Variants in BICDL1 observed in about 807,000 individuals in gnomAD.
The protein encoded by BICDL1 is BICD family-like cargo adapter 1.
A neutral mutation model predicts 76.8 loss-of-function variants in BICDL1; 20 were observed. The ratio of observed to expected loss-of-function variants is 0.26; its 90% confidence interval spans 0.18 to 0.38. The LOEUF is 0.38. Among genes scored for constraint, BICDL1 ranks in the 10% least tolerant of loss-of-function variants. The probability of loss-of-function intolerance (pLI) is 1.00; values close to 1 mark genes in which losing one functional copy is unlikely to be tolerated. For missense variants in BICDL1, 700 were observed against 798.6 expected (o/e 0.88, Z 1.49); for synonymous variants, 383 against 337.1 (o/e 1.14, Z -1.49).
chr12:120,019,035 A>G (rs1269533716), intron 2 of BICDL1: 1 of 135,298 alleles, frequency 7.4e-6, no homozygotes, highest in Non-Finnish European at 1.5e-5. Context: ...ACAGAGCGAG[A>G]CTCCGTCTCA....
chr12:120,065,514 A>G (rs1953201725), intron 4 of BICDL1, among the ~76,000 whole-genome samples: 1 of 152,086 alleles, frequency 6.6e-6, no homozygotes, highest in African/African-American at 2.4e-5. Context: ...ACAGGAAACA[A>G]CTCCCAAAAC....
intron 2 of BICDL1, among the ~76,000 whole-genome samples, chr12:120,052,992 C>A (rs1952896156): frequency 6.6e-6 from 1 of 152,172 alleles, no homozygotes; most frequent in Non-Finnish European, 1.5e-5. Context: ...GTTGGCCAGG[C>A]TGGTCTCAAA....
chr12:120,036,166 G>T (rs1952527159), intron 2 of BICDL1, among the ~76,000 whole-genome samples: 1 of 152,206 alleles, frequency 6.6e-6, no homozygotes, highest in Admixed American at 6.5e-5. Flanking sequence ...ACAGTCTGGT[G>T]CACATAAGCA....
chr12:120,089,890 T>A (rs1874817441), intron 8 of BICDL1, 61 bp from the exon 9 acceptor site: 6 of 1,586,818 alleles, frequency 3.8e-6, no homozygotes, highest in South Asian at 3.4e-5. Flanking sequence ...GTGCCCCAAG[T>A]AAAGACCAAG....
At chr12:120,074,325 C>A in intron 6 of BICDL1, 118 bp from the exon 7 acceptor site, 1 of 538,312 alleles carries the variant, frequency 1.9e-6, no homozygotes, top group Non-Finnish European at 2.4e-6. Context: ...CCACATCATT[C>A]CTCCACTCTC....
At chr12:120,092,096 A>T in intron 9 of BICDL1, 3 of 985,470 alleles carry the variant, frequency 3.0e-6, no homozygotes, top group Non-Finnish European at 3.6e-6. Context: ...CAGGCTGCTC[A>T]TATTTCTAAA....
At chr12:120,045,662 C>T (rs1355143815) in intron 2 of BICDL1, among the ~76,000 whole-genome samples, 1 of 150,766 alleles carries the variant, frequency 6.6e-6, no homozygotes, top group Non-Finnish European at 1.5e-5. Context: ...AGTAAACTAT[C>T]GCAAGAACAA....
intron 2 of BICDL1, among the ~76,000 whole-genome samples, chr12:120,009,995 A>G (rs932780012): frequency 2.0e-5 from 3 of 152,040 alleles, no homozygotes; most frequent in Admixed American, 2.0e-4. Flanking sequence ...GGATTCTGCA[A>G]ACTTGAATGT....
intron 2 of BICDL1, among the ~76,000 whole-genome samples, chr12:120,021,586 CAA>C (rs145151630): frequency 0.01 from 469 of 46,292 alleles, no homozygotes; most frequent in African/African-American, 0.028. Context: ...GACTCCATCT[CAA>C]AAAAAAAAAA....
intron 2 of BICDL1, among the ~76,000 whole-genome samples, chr12:120,052,187 C>T (rs1407403244): frequency 6.6e-6 from 1 of 151,930 alleles, no homozygotes; most frequent in Non-Finnish European, 1.5e-5. Context: ...CGTGATCTGC[C>T]CACCTTGGCC....
intron 2 of BICDL1, among the ~76,000 whole-genome samples, chr12:120,020,495 G>T (rs1209344783): frequency 6.6e-6 from 1 of 151,774 alleles, no homozygotes; most frequent in Non-Finnish European, 1.5e-5. Flanking sequence ...TTGATAAAAA[G>T]AAAAAATTAA....
At position 120,001,080 on chromosome 12, in the gene BICDL1, A is replaced by C. The variant is rs930006386; in HGVS notation, c.645+2344A>C. 1.3e-5 allele frequency among the ~76,000 whole-genome samples: 2 copies of C among 151,956 alleles called. 1 individual carries two copies. The highest frequency in any genetic ancestry group is 2.9e-5 in the Non-Finnish European group (2 of 67,972). ...AATATAGGCCCTTGGTGAGTTTTAT[A>C]GCTTTTTCCCTTTTTTCAAGCAGGA... On this transcript the variant is annotated intron_variant, in intron 2 of 9. Coordinates refer to ENST00000548673, the MANE Select transcript of BICDL1 (RefSeq NM_001367886.1).
chr12:120,088,669 G>T (rs544721939), intron 8 of BICDL1, among the ~76,000 whole-genome samples: 34 of 138,618 alleles, frequency 2.5e-4, no homozygotes, highest in African/African-American at 3.0e-4. Context: ...ACTTTATGGG[G>T]TTTTTTTGTT....
intron 1 of BICDL1, among the ~76,000 whole-genome samples, chr12:119,995,630 A>G (rs925585186): frequency 6.6e-6 from 1 of 152,180 alleles, no homozygotes; most frequent in Non-Finnish European, 1.5e-5. Context: ...AAGTATCACA[A>G]TTTTAGGATT....
At position 119,998,663 on chromosome 12, in the gene BICDL1, C is replaced by T; in HGVS notation, c.572C>T (p.Ala191Val). The change falls in exon 2 of 10, where the codon GCA becomes GTA. Residue 191 changes from alanine (A) to valine (V), a missense_variant. Physicochemically the swap from Ala to Val is moderately conservative, Grantham distance 64 (BLOSUM62 0). Coordinates refer to ENST00000548673, the MANE Select transcript of BICDL1 (RefSeq NM_001367886.1). ...LERQQIHLRE[A>V]DREKSRAVQE... is the part of the protein sequence containing the mutation. ...AGGCAGCAGATTCATCTGCGGGAAG[C>T]AGATCGAGAAAAATCACGGGCTGTC... is the stretch of plus-strand genomic sequence containing the variant. The T allele has an allele frequency of 3.1e-6, 5 of 1,614,050 alleles. No homozygotes were observed. The highest frequency in any genetic ancestry group is 4.2e-6 in the Non-Finnish European group (5 of 1,180,020).
intron 2 of BICDL1, among the ~76,000 whole-genome samples, chr12:120,042,405 C>T (rs980392128): frequency 6.6e-6 from 1 of 152,092 alleles, no homozygotes; most frequent in African/African-American, 2.4e-5. Flanking sequence ...CAAGGAGGAG[C>T]ATGTTTGGGT....
intron 2 of BICDL1, among the ~76,000 whole-genome samples, chr12:120,042,346 GCC>G (rs1277156199): frequency 6.6e-6 from 1 of 152,072 alleles, no homozygotes; most frequent in Non-Finnish European, 1.5e-5. Flanking sequence ...CCTGTTTGGG[GCC>G]CAAAACTCCT....
intron 2 of BICDL1, among the ~76,000 whole-genome samples, chr12:120,046,852 T>C (rs1594163185): frequency 6.6e-6 from 1 of 152,218 alleles, no homozygotes; most frequent in Non-Finnish European, 1.5e-5. Context: ...TGAGTCCTCA[T>C]AGAACATTTA....
rs1178672692 is a variant in BICDL1, at chr12:120,064,859, G to A, written c.889G>A (p.Gly297Ser). 9.3e-6 allele frequency: 15 copies of A among 1,611,814 alleles called. No individual in the cohort carries two copies. Among genetic ancestry groups the A allele is most frequent in the Non-Finnish European group, 1.3e-5 (15 of 1,179,084 alleles). The change falls in exon 4 of 10, where the codon GGC (glycine) becomes AGC (serine). Residue 297 changes from glycine (G) to serine (S), a missense_variant. This residue lies in a region of BICDL1 where 455 missense variants were observed against 548.7 expected (regional missense o/e 0.83). Transcript: ENST00000548673. The part of the protein sequence containing the change: ...QDRVLILERQ[G>S]HDKDLQLHQS... Reference sequence around the variant, plus strand: ...CCGGGTGCTAATCCTGGAGAGGCAGGGCCATGACAAGGACCTACAGGTACT... The same window carrying A: ...CCGGGTGCTAATCCTGGAGAGGCAGAGCCATGACAAGGACCTACAGGTACT...
Sources: gnomAD v4.1 joint callset for allele counts (sites outside exome capture counted in the v4.1 genomes callset) on GRCh38, gnomAD v4.1.1 for gene constraint, gnomAD v4.1.1 regional missense constraint, MANE v1.5 for transcripts, NCBI Gene and HGNC (gene_info 2026-07-23, HGNC 2026-07-21) for gene names.